PRKN: variants seen among roughly 807,000 people sequenced by gnomAD.
PRKN encodes the protein parkin RBR E3 ubiquitin protein ligase.
In PRKN, 56 loss-of-function variants were observed where a neutral mutation model predicts 59.5. The ratio of observed to expected loss-of-function variants is 0.94; its 90% confidence interval spans 0.76 to 1.18. The LOEUF is 1.18. Among genes scored for constraint, PRKN ranks in the 50% most tolerant of loss-of-function variants. The pLI, the probability that PRKN is intolerant of heterozygous loss-of-function variation, is 0.00. For missense variants in PRKN, 657 were observed against 596.4 expected (o/e 1.10, Z -1.06); for synonymous variants, 250 against 222.1 (o/e 1.13, Z -1.12).
intron 1 of PRKN, among the ~76,000 whole-genome samples, chr6:162,647,975 A>AAAAAAAAAAACAC (rs1778259496): frequency 7.0e-6 from 1 of 142,684 alleles, no homozygotes; most frequent in Non-Finnish European, 1.5e-5. Context: ...AAAAAAAAAA[A>AAAAAAAAAAACAC]AAGTCTACGG....
chr6:161,770,579 T>C (rs1484306828), intron 7 of PRKN, among the ~76,000 whole-genome samples: 1 of 152,110 alleles, frequency 6.6e-6, no homozygotes, highest in African/African-American at 2.4e-5. Context: ...GTGATTCTCC[T>C]GCCTCAGCCT....
intron 6 of PRKN, among the ~76,000 whole-genome samples, chr6:161,890,987 A>G (rs1284680474): frequency 6.6e-6 from 1 of 152,158 alleles, no homozygotes; most frequent in African/African-American, 2.4e-5. Context: ...GAGTTTCTCA[A>G]TCCATTCTCA....
chr6:162,667,374 T>C (rs1017211887), intron 1 of PRKN, among the ~76,000 whole-genome samples: 2 of 152,132 alleles, frequency 1.3e-5, no homozygotes, highest in African/African-American at 4.8e-5. Flanking sequence ...AAATGCTGTT[T>C]AAAATATTTT....
chr6:161,838,379 T>C (rs966010079), intron 6 of PRKN, among the ~76,000 whole-genome samples: 4 of 152,180 alleles, frequency 2.6e-5, no homozygotes, highest in African/African-American at 9.7e-5. Flanking sequence ...AAATCAGCTT[T>C]GAAGTCAAGC....
At chr6:161,811,795 C>T (rs931005576) in intron 6 of PRKN, among the ~76,000 whole-genome samples, 3 of 151,848 alleles carry the variant, frequency 2.0e-5, no homozygotes, top group African/African-American at 7.3e-5. Context: ...TGGTGGCATG[C>T]ACCTGTAGTC....
At chr6:161,945,558 C>A (rs1280734874) in intron 6 of PRKN, among the ~76,000 whole-genome samples, 1 of 152,178 alleles carries the variant, frequency 6.6e-6, no homozygotes, top group Non-Finnish European at 1.5e-5. Flanking sequence ...ATGTTGCATT[C>A]AAAGCCTTCT....
intron 6 of PRKN, among the ~76,000 whole-genome samples, chr6:161,799,403 G>C (rs1790987831): frequency 6.6e-6 from 1 of 152,156 alleles, no homozygotes; most frequent in South Asian, 2.1e-4. Flanking sequence ...GACTGGTTTT[G>C]AGCTAAGCCA....
At chr6:161,994,294 T>C (rs1781759783) in intron 5 of PRKN, among the ~76,000 whole-genome samples, 1 of 150,972 alleles carries the variant, frequency 6.6e-6, no homozygotes, top group East Asian at 1.9e-4. Context: ...TCTGAATAGA[T>C]GTAGAAAAAG....
intron 7 of PRKN, among the ~76,000 whole-genome samples, chr6:161,729,947 G>A (rs1056232945): frequency 6.6e-6 from 1 of 151,716 alleles, no homozygotes; most frequent in African/African-American, 2.4e-5. Flanking sequence ...CATTCTTTCT[G>A]ATGTGTTGCA....
At chr6:162,012,567 A>T (rs970316612) in intron 5 of PRKN, among the ~76,000 whole-genome samples, 7 of 152,120 alleles carry the variant, frequency 4.6e-5, no homozygotes, top group African/African-American at 1.7e-4. Context: ...ATTTACATAA[A>T]TTTTTACACA....
At chr6:162,255,082 T>A (rs1331400407) in intron 3 of PRKN, among the ~76,000 whole-genome samples, 5 of 85,764 alleles carry the variant, frequency 5.8e-5, no homozygotes, top group African/African-American at 2.2e-4. Flanking sequence ...CATACAAAAA[T>A]AAAATAAAAT....
intron 1 of PRKN, among the ~76,000 whole-genome samples, chr6:162,670,574 C>T (rs1779282474): frequency 6.6e-6 from 1 of 152,174 alleles, no homozygotes; most frequent in Admixed American, 6.5e-5. Flanking sequence ...GGGACAAATA[C>T]TTCAGCAAAG....
At chr6:161,609,956 C>T (rs1782428180) in intron 7 of PRKN, among the ~76,000 whole-genome samples, 1 of 151,968 alleles carries the variant, frequency 6.6e-6, no homozygotes, top group South Asian at 2.1e-4. Context: ...CCATAGTTTA[C>T]AAAGAAAAGT....
At chr6:161,510,102 T>C (rs554818413) in intron 9 of PRKN, among the ~76,000 whole-genome samples, 14 of 152,224 alleles carry the variant, frequency 9.2e-5, no homozygotes, top group African/African-American at 3.4e-4. Flanking sequence ...ATATGCATCG[T>C]TGAGAGGCAT....
chr6:162,726,987 G>C (rs1247273718), intron 1 of PRKN: 2 of 129,950 alleles, frequency 1.5e-5, no homozygotes, highest in African/African-American at 6.1e-5. Flanking sequence ...CTTGCACCTC[G>C]GTCGTTCTTT....
chr6:162,559,242 A>G (rs1018613082), intron 1 of PRKN, among the ~76,000 whole-genome samples: 11 of 149,122 alleles, frequency 7.4e-5, no homozygotes, highest in Admixed American at 6.8e-4. Flanking sequence ...TATAGAGAGA[A>G]TGAAAACTAC....
At chr6:162,313,469 C>T (rs983068889) in intron 2 of PRKN, among the ~76,000 whole-genome samples, 3 of 151,944 alleles carry the variant, frequency 2.0e-5, no homozygotes, top group Admixed American at 2.0e-4. Flanking sequence ...TTGCATGTTG[C>T]ATGTATATAC....
intron 7 of PRKN, among the ~76,000 whole-genome samples, chr6:161,586,403 G>A (rs991932099): frequency 2.6e-5 from 4 of 152,122 alleles, no homozygotes; most frequent in South Asian, 2.1e-4. Context: ...TGAGTTCCAC[G>A]TTCTTGCTCA....
At chr6:161,568,150 C>T (rs953918193) in intron 8 of PRKN, among the ~76,000 whole-genome samples, 1 of 152,196 alleles carries the variant, frequency 6.6e-6, no homozygotes, top group African/African-American at 2.4e-5. Flanking sequence ...TTTTTATTCT[C>T]ATATTGGAAA....
Sources: gnomAD v4.1 joint callset for allele counts (sites outside exome capture counted in the v4.1 genomes callset) on GRCh38, gnomAD v4.1.1 for gene constraint, MANE v1.5 for transcripts, NCBI Gene and HGNC (gene_info 2026-07-23, HGNC 2026-07-21) for gene names.